DIS3L: variants seen among roughly 807,000 people sequenced by gnomAD.
DIS3L encodes the protein DIS3-like exonuclease 1.
DIS3L carries 100 observed loss-of-function variants against 120.3 expected under a neutral mutation model. That is an observed-to-expected ratio of 0.83 (90% CI 0.71 to 0.98). The LOEUF (loss-of-function observed/expected upper bound fraction) is 0.98. Among genes scored for constraint, DIS3L ranks in the 50% least tolerant of loss-of-function variants. DIS3L has a pLI of 0.00. For synonymous variants in DIS3L, 426 were observed against 470.6 expected, an observed-to-expected ratio of 0.91 and a Z score of 1.23; for missense variants, 1,196 against 1,314.2, an observed-to-expected ratio of 0.91 and a Z score of 1.39.
chr15:66,296,785 G>T (rs2092591566), intron 2 of DIS3L, among the ~76,000 whole-genome samples: 1 of 152,154 alleles, frequency 6.6e-6, no homozygotes, highest in Non-Finnish European at 1.5e-5. Flanking sequence ...GCCTCCCAAA[G>T]TGCTGGGATT....
At chr15:66,294,396 G>T (rs760482293) in intron 1 of DIS3L, 6 of 985,650 alleles carry the variant, frequency 6.1e-6, no homozygotes, top group Non-Finnish European at 7.2e-6. Flanking sequence ...ATGAGAATGG[G>T]CTGGGGGTCC....
Position 66,332,918 on chromosome 15 carries a change from T to C in DIS3L, c.2856+8T>C, listed in dbSNP as rs368676399. The stretch of plus-strand genomic sequence containing the variant: ...TTGTTTGACCATGTAACCGTAAGTC[T>C]GTGTTTCTATTAAGTATTATTAATA... On this transcript the variant is annotated splice_region_variant and intron_variant, in intron 16 of 16. Transcript: ENST00000319212. 6 of 1,603,670 alleles carry C rather than the reference T, an allele frequency of 3.7e-6. No homozygotes were observed. The highest frequency in any genetic ancestry group is 5.1e-6 in the Non-Finnish European group (6 of 1,176,106).
intron 15 of DIS3L, among the ~76,000 whole-genome samples, chr15:66,332,496 G>GTGTGTGTGTGTGTATACACACATATATA (rs1311646495): frequency 4.7e-5 from 6 of 128,016 alleles, no homozygotes; most frequent in Non-Finnish European, 6.9e-5. Context: ...GTGTGTGTGT[G>GTGTGTGTGTGTGTATACACACATATATA]TGTGTGTGTG....
intron 2 of DIS3L, 94 bp downstream of exon 2, chr15:66,295,235 T>C: frequency 7.8e-7 from 1 of 1,281,730 alleles, no homozygotes; most frequent in Non-Finnish European, 1.1e-6. Flanking sequence ...GAATTCATTA[T>C]TTTGTCAGAA....
intron 2 of DIS3L, among the ~76,000 whole-genome samples, chr15:66,297,456 ATATT>A (rs1359961155): frequency 1.3e-5 from 2 of 152,176 alleles, no homozygotes; most frequent in Non-Finnish European, 2.9e-5. Flanking sequence ...AAAATCATAT[ATATT>A]TATGGTATAC....
intron 2 of DIS3L, among the ~76,000 whole-genome samples, chr15:66,302,591 G>C (rs2092659980): frequency 6.6e-6 from 1 of 152,120 alleles, no homozygotes; most frequent in Admixed American, 6.5e-5. Context: ...AAGCACTGAA[G>C]TAAAGCCTTA....
At chr15:66,293,958 GC>G in intron 1 of DIS3L, 2 of 994,500 alleles carry the variant, frequency 2.0e-6, no homozygotes, top group Non-Finnish European at 2.4e-6. Flanking sequence ...TTACTGCTCC[GC>G]CCTGTCCAAT....
rs143099164 is a variant in DIS3L, at chr15:66,317,946, G to T, written c.995-503G>T. 1.8e-3 allele frequency among the ~76,000 whole-genome samples: 266 copies of T among 151,784 alleles called. 3 individuals are homozygous for T. Among genetic ancestry groups the T allele is most frequent in the African/African-American group, 6.2e-3 (257 of 41,376 alleles). Reference sequence around the variant, plus strand: ...CAAATCTTCAAACATACCTTTTCTTGTTGTTGTTATGTGTGTGTTTTGGTT... The same window carrying T: ...CAAATCTTCAAACATACCTTTTCTTTTTGTTGTTATGTGTGTGTTTTGGTT... On this transcript the variant is annotated intron_variant, in intron 7 of 16. Coordinates refer to ENST00000319212, the MANE Select transcript of DIS3L (RefSeq NM_001143688.3).
At chr15:66,325,378 A>G (rs1473071307) in intron 11 of DIS3L, among the ~76,000 whole-genome samples, 3 of 152,240 alleles carry the variant, frequency 2.0e-5, no homozygotes, top group Non-Finnish European at 2.9e-5. Flanking sequence ...TAGGCAACAG[A>G]GCAAGACTCC....
rs2093025926 is a variant in DIS3L at position 66,333,524 on chromosome 15, A to T, written c.*212A>T. 1 of 421,800 alleles carries T rather than the reference A, an allele frequency of 2.4e-6. No homozygotes were observed. The highest frequency in any genetic ancestry group is 3.2e-5 in the South Asian group (1 of 31,258). 26.1% of individuals were successfully genotyped at this position (421,800 alleles called of 1,614,324 possible). A position where few individuals can be genotyped will look rare whatever the true frequency, so the allele number is the denominator to read the frequency against. On this transcript the variant is annotated 3_prime_UTR_variant, in exon 17 of 17. Transcript: ENST00000319212. ...GGCGGGCGGATCACGAGGTCAGGAG[A>T]TTGAGACCATCCTGGCTAACACGGT... is the stretch of plus-strand genomic sequence containing the variant.
At chr15:66,310,930 G>A (rs1266067605) in intron 4 of DIS3L, among the ~76,000 whole-genome samples, 2 of 151,796 alleles carry the variant, frequency 1.3e-5, no homozygotes, top group South Asian at 4.2e-4. Context: ...AGGAGGTCAA[G>A]GCTACAGTGA....
At chr15:66,315,938 A>T (rs1053161012) in intron 7 of DIS3L, among the ~76,000 whole-genome samples, 3 of 152,108 alleles carry the variant, frequency 2.0e-5, no homozygotes, top group Admixed American at 1.3e-4. Context: ...GTCTCCTCCC[A>T]GTTCTCCCAC....
At position 66,320,617 on chromosome 15, in the gene DIS3L, T is replaced by C; in HGVS notation, c.1211T>C (p.Val404Ala). The C allele has an allele frequency of 6.2e-7, 1 of 1,614,094 alleles. No individual in the cohort carries two copies. Residue 404 changes from valine to alanine, a missense_variant, in exon 9 of 17, where the codon GTG becomes GCG. Coordinates refer to ENST00000319212, the MANE Select transcript of DIS3L (RefSeq NM_001143688.3). Reference protein sequence around the residue: ...VRIDSWESTSVYPNGHFVRVL... With the variant: ...VRIDSWESTSAYPNGHFVRVL... ...ATCGATTCCTGGGAGTCAACATCTG[T>C]GTATCCAAATGGACATTTTGTGCGT... is the stretch of plus-strand genomic sequence containing the variant.
chr15:66,318,022 T>C (rs2092838403), intron 7 of DIS3L, among the ~76,000 whole-genome samples: 1 of 152,228 alleles, frequency 6.6e-6, no homozygotes, highest in Admixed American at 6.5e-5. Context: ...TTGCCCAGGC[T>C]GGAGTGTAGT....
intron 4 of DIS3L, among the ~76,000 whole-genome samples, chr15:66,309,915 G>C (rs1204873584): frequency 6.6e-6 from 1 of 152,160 alleles, no homozygotes; most frequent in Non-Finnish European, 1.5e-5. Context: ...ACAGATCTCA[G>C]ACAGGAGTGG....
At chr15:66,318,663 C>A in intron 8 of DIS3L, 45 bp downstream of exon 8, 1 of 1,584,970 alleles carries the variant, frequency 6.3e-7, no homozygotes, top group Non-Finnish European at 8.6e-7. Flanking sequence ...ACGCTTTCTC[C>A]TTCTGTCTTT....
rs1266964934 is a variant in DIS3L, at chr15:66,293,629, G to A, written c.33G>A (p.Leu11=). The change falls in exon 1 of 17, where the codon CTG becomes CTA. Residue 11 remains leucine (L), a synonymous_variant. Coordinates refer to ENST00000319212, the MANE Select transcript of DIS3L (RefSeq NM_001143688.3). Reference sequence around the variant, plus strand: ...AGAAGCGGGAGAAGGTGCTGCTGCTGAGGACCTTCCAGGGCCGCACGCTGC... The same window carrying A: ...AGAAGCGGGAGAAGGTGCTGCTGCTAAGGACCTTCCAGGGCCGCACGCTGC... MLQKREKVLL[L]RTFQGRTLRI... 1.4e-6 allele frequency: 2 copies of A among 1,448,244 alleles called. No homozygotes were observed. Among genetic ancestry groups the A allele is most frequent in the South Asian group, 1.3e-5 (1 of 77,086 alleles). 89.7% of individuals were successfully genotyped at this position (1,448,244 alleles called of 1,614,324 possible).
chr15:66,313,933 A>T, intron 5 of DIS3L, 106 bp from the exon 6 acceptor site: 1 of 802,996 alleles, frequency 1.2e-6, no homozygotes, highest in Non-Finnish European at 1.9e-6. Context: ...ACCTTAAAAG[A>T]ATATTATGGG....
At chr15:66,323,044 C>A (rs1164717570) in intron 10 of DIS3L, 110 bp downstream of exon 10, 8 of 1,396,452 alleles carry the variant, frequency 5.7e-6, no homozygotes, top group Non-Finnish European at 7.7e-6. Context: ...TTTTGAAGGT[C>A]CCTTCCAGAA....
Sources: allele counts gnomAD v4.1 joint callset (sites outside exome capture counted in the v4.1 genomes callset), GRCh38; gene constraint gnomAD v4.1.1; transcripts MANE v1.5; gene names NCBI Gene and HGNC (gene_info 2026-07-23, HGNC 2026-07-21).